The following TGFB2 variants were observed in gnomAD, a reference collection of about 807,000 sequenced individuals.
The protein encoded by TGFB2 is transforming growth factor beta 2.
In TGFB2, 13 loss-of-function variants were observed where a neutral mutation model predicts 42.7. The observed-to-expected ratio is 0.30, with a 90% confidence interval of 0.20 to 0.48. TGFB2 has a LOEUF of 0.48. Among genes scored for constraint, TGFB2 ranks in the 20% least tolerant of loss-of-function variants. The pLI, the probability that TGFB2 is intolerant of heterozygous loss-of-function variation, is 0.99. For missense variants in TGFB2, 390 were observed against 517.5 expected (o/e 0.75, Z 2.39); for synonymous variants, 193 against 193.6 (o/e 1.00, Z 0.03).
rs2102628574 is a variant in TGFB2, at chr1:218,436,064, A to G, written c.849A>G (p.Leu283=). ...KNSGKTPHLL[L]MLLPSYRLES... ...GTGGGAAGACCCCACATCTCCTGCT[A>G]ATGTTATTGCCCTCCTACAGACTTG... The change falls in exon 5 of 7, where the codon CTA becomes CTG. Residue 283 remains leucine, a synonymous_variant. Coordinates refer to ENST00000366930, the MANE Select transcript of TGFB2 (RefSeq NM_003238.6). 2 of 1,614,162 alleles carry G rather than the reference A, an allele frequency of 1.2e-6. No homozygotes were observed. The highest frequency in any genetic ancestry group is 1.6e-4 in the Middle Eastern group (1 of 6,062).
chr1:218,359,379 C>T (rs993882046), intron 1 of TGFB2, among the ~76,000 whole-genome samples: 12 of 152,204 alleles, frequency 7.9e-5, no homozygotes, highest in Admixed American at 4.6e-4. Context: ...AATCACTGAT[C>T]GGATCTCTAA....
intron 1 of TGFB2, among the ~76,000 whole-genome samples, chr1:218,383,968 G>A (rs78465216): frequency 0.012 from 1,859 of 152,164 alleles, 18 homozygotes; most frequent in Middle Eastern, 0.031. Flanking sequence ...TCCTTTCCAC[G>A]TCACAGAGTT....
chr1:218,354,815 G>GT (rs1006188150), intron 1 of TGFB2, among the ~76,000 whole-genome samples: 27 of 151,564 alleles, frequency 1.8e-4, no homozygotes, highest in East Asian at 1.5e-3. Flanking sequence ...CACAACCTGG[G>GT]TTTTTTTTTC....
intron 2 of TGFB2, among the ~76,000 whole-genome samples, chr1:218,419,759 A>G (rs927148720): frequency 3.3e-5 from 5 of 152,248 alleles, no homozygotes; most frequent in African/African-American, 1.2e-4. Context: ...AAAGAAATGT[A>G]TATAACTATG....
At chr1:218,384,479 G>A (rs1327544415) in intron 1 of TGFB2, among the ~76,000 whole-genome samples, 4 of 152,212 alleles carry the variant, frequency 2.6e-5, no homozygotes, top group Non-Finnish European at 5.9e-5. Context: ...CGCTCTGGCT[G>A]TACCACTTAT....
chr1:218,366,877 A>T (rs1040904203), intron 1 of TGFB2, among the ~76,000 whole-genome samples: 1 of 152,200 alleles, frequency 6.6e-6, no homozygotes, highest in Admixed American at 6.5e-5. Context: ...TCTCTGTTTG[A>T]TCAGCTGGTC....
chr1:218,358,461 T>C (rs17047721), intron 1 of TGFB2, among the ~76,000 whole-genome samples: 2,747 of 152,258 alleles, frequency 0.018, 87 homozygotes, highest in African/African-American at 0.061. Flanking sequence ...TCTATTGGCT[T>C]AATCTCATTT....
chr1:218,371,854 G>A (rs1289574889), intron 1 of TGFB2, among the ~76,000 whole-genome samples: 5 of 152,208 alleles, frequency 3.3e-5, no homozygotes. Context: ...GTACCATGTA[G>A]TTCCCTAGAA....
chr1:218,385,380 G>A (rs1043586480), intron 1 of TGFB2, among the ~76,000 whole-genome samples: 3 of 152,182 alleles, frequency 2.0e-5, no homozygotes, highest in African/African-American at 4.8e-5. Context: ...ATGCATTATC[G>A]TATTTGAGCT....
chr1:218,384,525 A>G (rs182206789), intron 1 of TGFB2, among the ~76,000 whole-genome samples: 1 of 152,352 alleles, frequency 6.6e-6, no homozygotes. Flanking sequence ...TTTAATCCTC[A>G]TAAGCCTTAG....
At chr1:218,440,832 G>A (rs1421804175) in intron 6 of TGFB2, among the ~76,000 whole-genome samples, 1 of 152,166 alleles carries the variant, frequency 6.6e-6, no homozygotes, top group African/African-American at 2.4e-5. Context: ...GTAGAAATAA[G>A]ACCAAATGCT....
rs749692412 is a variant in TGFB2 at position 218,434,089 on chromosome 1, A to G, written c.518A>G (p.Lys173Arg). Reference protein sequence around the residue: ...EQRIELYQILKSKDLTSPTQR... With the variant: ...EQRIELYQILRSKDLTSPTQR... Reference sequence around the variant, plus strand: ...GCTCTTTTTCCCCTCCAGATTCTCAAGTCCAAAGATTTAACATCTCCAACC... The same window carrying G: ...GCTCTTTTTCCCCTCCAGATTCTCAGGTCCAAAGATTTAACATCTCCAACC... The change falls in exon 3 of 7, where the codon AAG becomes AGG. Residue 173 changes from lysine to arginine, a missense_variant. Physicochemically the swap from Lys to Arg is conservative, Grantham distance 26. Coordinates refer to ENST00000366930, the MANE Select transcript of TGFB2 (RefSeq NM_003238.6). 14 of 1,613,602 alleles carry G rather than the reference A, an allele frequency of 8.7e-6. No individual in the cohort carries two copies. The African/African-American group carries it at 1.3e-4, about 15-fold the overall frequency.
intron 1 of TGFB2, among the ~76,000 whole-genome samples, chr1:218,370,229 A>G (rs1218295141): frequency 6.6e-6 from 1 of 152,168 alleles, no homozygotes; most frequent in Non-Finnish European, 1.5e-5. Flanking sequence ...ACTGGGGGAG[A>G]TGATATTTAC....
chr1:218,384,788 A>G (rs1021631887), intron 1 of TGFB2, among the ~76,000 whole-genome samples: 1 of 152,204 alleles, frequency 6.6e-6, no homozygotes, highest in African/African-American at 2.4e-5. Flanking sequence ...GCAGAATTCA[A>G]ATCTGCTGAG....
chr1:218,413,673 G>T (rs1659177740), intron 2 of TGFB2, among the ~76,000 whole-genome samples: 1 of 152,206 alleles, frequency 6.6e-6, no homozygotes, highest in Non-Finnish European at 1.5e-5. Flanking sequence ...TCATACGTAT[G>T]ATATCAGGAC....
intron 2 of TGFB2, among the ~76,000 whole-genome samples, chr1:218,415,383 TGTG>T (rs1659239759): frequency 6.6e-6 from 1 of 152,070 alleles, no homozygotes; most frequent in Non-Finnish European, 1.5e-5. Context: ...TCACTCAGCT[TGTG>T]GTGGTTCATT....
intron 2 of TGFB2, 37 bp downstream of exon 2, chr1:218,405,369 T>G (rs1437155935): frequency 4.3e-6 from 7 of 1,611,440 alleles, no homozygotes; most frequent in Non-Finnish European, 5.1e-6. Flanking sequence ...TTGTTGTTGT[T>G]GTTGTTTTAG....
chr1:218,439,125 A>G (rs1660069083), intron 6 of TGFB2, among the ~76,000 whole-genome samples: 1 of 151,044 alleles, frequency 6.6e-6, no homozygotes, highest in Non-Finnish European at 1.5e-5. Flanking sequence ...AAAAAAAAAA[A>G]AAGAAATTGG....
At chr1:218,364,086 A>G (rs1657306853) in intron 1 of TGFB2, among the ~76,000 whole-genome samples, 1 of 152,218 alleles carries the variant, frequency 6.6e-6, no homozygotes. Context: ...AGTGAGGCCC[A>G]GGGAAGCTGA....
Sources: gnomAD v4.1 joint callset for allele counts (sites outside exome capture counted in the v4.1 genomes callset) on GRCh38, gnomAD v4.1.1 for gene constraint, MANE v1.5 for transcripts, NCBI Gene and HGNC (gene_info 2026-07-23, HGNC 2026-07-21) for gene names.